The following DNAJC8 variants were observed in gnomAD, a reference collection of about 807,000 sequenced individuals.
The protein encoded by DNAJC8 is dnaJ homolog subfamily C member 8.
A neutral mutation model predicts 43.2 loss-of-function variants in DNAJC8; 24 were observed. The ratio of observed to expected loss-of-function variants is 0.56; its 90% CI spans 0.40 to 0.78. The LOEUF (loss-of-function observed/expected upper bound fraction) is 0.78, where lower values mean the gene tolerates loss of function less well. Among genes scored for constraint, DNAJC8 ranks in the 30% least tolerant of loss-of-function variants. DNAJC8 has a pLI of 0.00. For synonymous variants in DNAJC8, 83 were observed against 98.0 expected (o/e 0.85, Z 0.90); for missense variants, 207 against 299.4 (o/e 0.69, Z 2.28).
chr1:28,218,152 A>G (rs1646873144), intron 2 of DNAJC8, among the ~76,000 whole-genome samples: 1 of 147,724 alleles, frequency 6.8e-6, no homozygotes, highest in African/African-American at 2.5e-5. Context: ...CTAGAGTGCA[A>G]TGGTGTGATC....
At chr1:28,204,478 A>G (rs971799799) in intron 7 of DNAJC8, among the ~76,000 whole-genome samples, 3 of 152,140 alleles carry the variant, frequency 2.0e-5, no homozygotes, top group Non-Finnish European at 4.4e-5. Flanking sequence ...TGGAGGTTGC[A>G]GTGAGCCAAG....
intron 5 of DNAJC8, 73 bp downstream of exon 5, chr1:28,209,899 T>C: frequency 7.5e-7 from 1 of 1,336,314 alleles, no homozygotes; most frequent in South Asian, 1.2e-5. Flanking sequence ...ACTATGTTCA[T>C]ATGTACCCTT....
chr1:28,218,300 G>A (rs1646874814), intron 2 of DNAJC8, among the ~76,000 whole-genome samples: 1 of 151,728 alleles, frequency 6.6e-6, no homozygotes. Flanking sequence ...TCTCCATGTT[G>A]GTCAGGCTGG....
intron 2 of DNAJC8, 23 bp from the exon 3 acceptor site, chr1:28,215,019 C>A (rs752964389): frequency 1.3e-6 from 2 of 1,584,700 alleles, no homozygotes; most frequent in South Asian, 2.3e-5. Flanking sequence ...AAATCAAAAC[C>A]ATAAAAAAGG....
chr1:28,215,629 C>T (rs142624968), intron 2 of DNAJC8, among the ~76,000 whole-genome samples: 2,671 of 151,258 alleles, frequency 0.018, 83 homozygotes, highest in African/African-American at 0.062. Context: ...CCTCCACCTC[C>T]GCGGTTCAAG....
At position 28,214,937 on chromosome 1, in the gene DNAJC8, T is replaced by C; in HGVS notation, c.237+3A>G. The C allele has an allele frequency of 1.2e-6, 2 of 1,607,484 alleles. No homozygotes were observed. Among genetic ancestry groups the C allele is most frequent in the Non-Finnish European group, 8.5e-7 (1 of 1,176,314 alleles). ...AAGTTCAAACAGGGAAATAGTACTG[T>C]ACCTGCCGAAACCTCTTTTTTATTT... On this transcript the variant is annotated splice_donor_region_variant and intron_variant, in intron 3 of 8. Coordinates refer to ENST00000263697, the MANE Select transcript of DNAJC8 (RefSeq NM_014280.3).
intron 6 of DNAJC8, among the ~76,000 whole-genome samples, chr1:28,205,583 A>T (rs565674153): frequency 5.1e-4 from 77 of 152,188 alleles, no homozygotes; most frequent in Admixed American, 1.1e-3. Context: ...CTACAAAAAA[A>T]TTTTTTTTAA....
At chr1:28,232,523 C>T (rs1328143033) in intron 1 of DNAJC8, among the ~76,000 whole-genome samples, 1 of 152,054 alleles carries the variant, frequency 6.6e-6, no homozygotes, top group Non-Finnish European at 1.5e-5. Flanking sequence ...GCCTGGCGTT[C>T]GTGAATGGCA....
In DNAJC8 at chr1:28,208,273, T is replaced by C. The variant is rs534151429; in HGVS notation, c.471+69A>G. On this transcript the variant is annotated intron_variant, in intron 6 of 8. Transcript: ENST00000263697. ...ATATTCATCATTCTTTTGGCTTCTG[T>C]CTCTGTAACCCACCAATTCGTAGAC... is the stretch of plus-strand genomic sequence containing the variant. The C allele has an allele frequency of 4.1e-5, 48 of 1,183,222 alleles. No homozygotes were observed. In the South Asian group the frequency reaches 7.2e-4, roughly 18 times the overall value. The allele number at this position is 1,183,222 out of a possible 1,614,324, so 73.3% of individuals were successfully genotyped here. A position where few individuals can be genotyped will look rare whatever the true frequency, so the allele number is the denominator to read the frequency against.
At chr1:28,218,094 C>CTTTT (rs34973122) in intron 2 of DNAJC8, among the ~76,000 whole-genome samples, 2 of 122,352 alleles carry the variant, frequency 1.6e-5, no homozygotes, top group African/African-American at 3.1e-5. Flanking sequence ...GGTTTCTATT[C>CTTTT]TTTTTTTTTT....
chr1:28,209,849 G>C, intron 5 of DNAJC8, 123 bp downstream of exon 5: 2 of 772,778 alleles, frequency 2.6e-6, no homozygotes, highest in South Asian at 3.3e-5. Context: ...CAAAGTGGTA[G>C]AGAGCACAGA....
intron 2 of DNAJC8, among the ~76,000 whole-genome samples, chr1:28,216,582 T>C (rs533472744): frequency 1.3e-5 from 2 of 152,236 alleles, no homozygotes; most frequent in African/African-American, 4.8e-5. Flanking sequence ...TATTTGGGGA[T>C]TACAACATGA....
chr1:28,201,303 TTC>T lies in DNAJC8; in HGVS notation c.705_706del (p.Lys236GlufsTer17). 6.2e-7 allele frequency: 1 copy of T among 1,613,176 alleles called. No homozygotes were observed. Among genetic ancestry groups the T allele is most frequent in the Non-Finnish European group, 8.5e-7 (1 of 1,180,038 alleles). On this transcript the variant is annotated frameshift_variant, in exon 9 of 9. Coordinates refer to ENST00000263697, the MANE Select transcript of DNAJC8 (RefSeq NM_014280.3). LOFTEE classifies it high-confidence loss of function. ...TGGTCTCAGGAAGGTCCGATTTTTC[TTC>T]TCTTTCTTCCCCTTCGTATTGGCTT...
rs1261241534 is a variant in DNAJC8, at chr1:28,209,045, ACTGCCACC to A, written c.400-640_400-633del. On this transcript the variant is annotated intron_variant, in intron 5 of 8. Coordinates refer to ENST00000263697, the MANE Select transcript of DNAJC8 (RefSeq NM_014280.3). ...TACCCTCTAAGCTCAGAAAGGCCCT[ACTGCCACC>A]CTGTGGTCAGGAAGCCTAAGGATGA... Among the ~76,000 whole-genome samples, 3 of 152,328 alleles carry A rather than the reference ACTGCCACC, an allele frequency of 2.0e-5. No homozygotes were observed. The East Asian group carries it at 5.8e-4, about 29-fold the overall frequency.
rs755791700 is a variant in DNAJC8, at chr1:28,208,423, AT to A, written c.400-11del. 6.3e-6 allele frequency: 10 copies of A among 1,598,212 alleles called. No homozygotes were observed. Among genetic ancestry groups the A allele is most frequent in the South Asian group, 1.1e-5 (1 of 90,136 alleles). ...TTTTTCGCTCTTTCACCTAAAAAGA[AT>A]TTTTTTTCATCAAAAGACGAGCATC... On this transcript the variant is annotated splice_polypyrimidine_tract_variant and intron_variant, in intron 5 of 8. Transcript: ENST00000263697.
At chr1:28,208,121 G>A (rs566598772) in intron 6 of DNAJC8, among the ~76,000 whole-genome samples, 2 of 152,260 alleles carry the variant, frequency 1.3e-5, no homozygotes, top group Admixed American at 6.5e-5. Context: ...CAGAAGAATC[G>A]TTTGAACCCA....
intron 6 of DNAJC8, among the ~76,000 whole-genome samples, chr1:28,207,237 G>C (rs1454256590): frequency 6.6e-6 from 1 of 151,726 alleles, no homozygotes; most frequent in Non-Finnish European, 1.5e-5. Flanking sequence ...AATTAGCCAG[G>C]CTTGATGGCG....
rs978989905 is a variant in DNAJC8, at chr1:28,210,628, A to C, written c.247T>G (p.Leu83Val). 1 of 1,613,850 alleles carries C rather than the reference A, an allele frequency of 6.2e-7. No individual in the cohort carries two copies. Among genetic ancestry groups the C allele is most frequent in the Non-Finnish European group, 8.5e-7 (1 of 1,179,896 alleles). ...TCTTGATTTTTGTCAGGATGCACCAAGATGGATAACTACAATAAGAGAAAA... is the reference window on the plus strand; with the variant it reads ...TCTTGATTTTTGTCAGGATGCACCACGATGGATAACTACAATAAGAGAAAA... ...IKKRFRQLSILVHPDKNQDDA... is the reference protein window; with the variant it reads ...IKKRFRQLSIVVHPDKNQDDA... The change falls in exon 4 of 9, where the codon TTG becomes GTG. Residue 83 changes from leucine (L) to valine (V), a missense_variant. Around this residue, in one of 2 missense-constraint regions of DNAJC8, gnomAD observed 159 missense variants for 267.5 expected, o/e 0.59. Transcript: ENST00000263697.
At chr1:28,231,511 C>T (rs1646974689) in intron 1 of DNAJC8, among the ~76,000 whole-genome samples, 1 of 150,986 alleles carries the variant, frequency 6.6e-6, no homozygotes, top group South Asian at 2.1e-4. Context: ...GTCAGGAGAT[C>T]AAGACCAGTC....
Sources: allele counts gnomAD v4.1 joint callset (sites outside exome capture counted in the v4.1 genomes callset), GRCh38; gene constraint gnomAD v4.1.1; regional missense constraint gnomAD v4.1.1; transcripts MANE v1.5; gene names NCBI Gene and HGNC (gene_info 2026-07-23, HGNC 2026-07-21).